The following SLC75A1 variants were observed in gnomAD, a reference collection of about 807,000 sequenced individuals.
SLC75A1 encodes major facilitator superfamily domain containing 10.
At chr4:2,930,724 C>G in the SLC75A1 span, 1 of 1,241,276 alleles carries the variant, frequency 8.1e-7, no homozygotes, top group Non-Finnish European at 1.1e-6. Context: ...AGGGGCCGGC[C>G]CCCACCCACA....
chr4:2,933,902 C>T, the SLC75A1 span: 4 of 1,568,670 alleles, frequency 2.5e-6, no homozygotes, highest in South Asian at 2.3e-5. Flanking sequence ...GGGGTGCAGC[C>T]TCCACCCCCT....
the SLC75A1 span, chr4:2,931,053 G>GC: frequency 6.2e-7 from 1 of 1,607,590 alleles, no homozygotes; most frequent in Admixed American, 1.7e-5. Flanking sequence ...ACCATCCCGC[G>GC]CCCTCACCTG....
chr4:2,930,808 G>C, the SLC75A1 span: 1 of 1,609,616 alleles, frequency 6.2e-7, no homozygotes, highest in Non-Finnish European at 8.5e-7. Flanking sequence ...CACTCTGCCT[G>C]GTGCCCACAG....
At chr4:2,930,928 G>A in the SLC75A1 span, 1 of 1,613,052 alleles carries the variant, frequency 6.2e-7, no homozygotes, top group Non-Finnish European at 8.5e-7. Flanking sequence ...TGGTGAAGCA[G>A]GCCTGGGCCC....
At chr4:2,933,653 T>C in the SLC75A1 span, 47 of 1,613,256 alleles carry the variant, frequency 2.9e-5, no homozygotes, top group South Asian at 5.5e-5. Context: ...CCAGGAGCCA[T>C]AGAGGGGGTC....
the SLC75A1 span, chr4:2,931,025 C>T: frequency 2.5e-6 from 4 of 1,610,656 alleles, no homozygotes; most frequent in East Asian, 2.2e-5. Flanking sequence ...AGGTGCTTGG[C>T]CCCCAGCCTG....
chr4:2,933,816 G>A, the SLC75A1 span: 4 of 1,590,862 alleles, frequency 2.5e-6, no homozygotes, highest in Non-Finnish European at 2.6e-6. Context: ...TGAAGGCCAG[G>A]AGGTCCAGCA....
the SLC75A1 span, chr4:2,932,276 C>T: frequency 4.5e-6 from 7 of 1,559,492 alleles, no homozygotes; most frequent in Non-Finnish European, 6.1e-6. Flanking sequence ...GGGGCTGGCA[C>T]ACAGGGGCAC....
At chr4:2,931,669 A>G in the SLC75A1 span, 4 of 1,611,008 alleles carry the variant, frequency 2.5e-6, no homozygotes, top group African/African-American at 4.0e-5. Context: ...GTAGGCTGGG[A>G]GCGGGTGTGT....
the SLC75A1 span, chr4:2,934,749 C>A: frequency 7.1e-6 from 1 of 140,970 alleles, no homozygotes; most frequent in Non-Finnish European, 1.6e-5. Flanking sequence ...ACCCCGGGCG[C>A]CCCCGGTCCC....
At chr4:2,933,820 T>A in the SLC75A1 span, 1 of 1,589,316 alleles carries the variant, frequency 6.3e-7, no homozygotes, top group Non-Finnish European at 8.6e-7. Flanking sequence ...GGCCAGGAGG[T>A]CCAGCAGGAG....
At chr4:2,933,685 T>C in the SLC75A1 span, 1 of 1,612,614 alleles carries the variant, frequency 6.2e-7, no homozygotes, top group Non-Finnish European at 8.5e-7. Context: ...GGAATCACGA[T>C]AAGGGCTGGG....
the SLC75A1 span, chr4:2,932,122 G>A: frequency 3.9e-4 from 620 of 1,609,596 alleles, no homozygotes; most frequent in East Asian, 3.5e-3. Flanking sequence ...CAGATCAGCC[G>A]CATCACGGAA....
At chr4:2,932,021 C>T in the SLC75A1 span, 36 of 1,608,844 alleles carry the variant, frequency 2.2e-5, no homozygotes, top group Admixed American at 8.4e-5. Flanking sequence ...GCAGGCTCCA[C>T]GCTTGGGTTG....
chr4:2,931,081 C>T, the SLC75A1 span: 2 of 1,600,152 alleles, frequency 1.2e-6, no homozygotes, highest in South Asian at 2.2e-5. Context: ...CACCAGGGGC[C>T]CCGCGGCCCT....
chr4:2,933,890 G>A, the SLC75A1 span: 1 of 1,576,276 alleles, frequency 6.3e-7, no homozygotes. Context: ...ATGGGTGGGC[G>A]CGGGGTGCAG....
chr4:2,933,660 G>A, the SLC75A1 span: 4 of 1,613,712 alleles, frequency 2.5e-6, no homozygotes, highest in Non-Finnish European at 3.4e-6. Context: ...CCATAGAGGG[G>A]GTCCTAGGGG....
At chr4:2,932,294 C>T in the SLC75A1 span, 3,782 of 1,573,472 alleles carry the variant, frequency 2.4e-3, 5 homozygotes, top group Non-Finnish European at 3.1e-3. Context: ...CACTTTACAT[C>T]GCTATGGAAT....
At chr4:2,931,332 C>T in the SLC75A1 span, 81 of 1,543,656 alleles carry the variant, frequency 5.2e-5, no homozygotes, top group African/African-American at 8.0e-4. Context: ...ATCACCCAGC[C>T]CCTGCTGCCC....
Sources: allele counts gnomAD v4.1 joint callset, GRCh38; gene constraint gnomAD v4.1.1; transcripts MANE v1.5; gene names NCBI Gene and HGNC (gene_info 2026-07-23, HGNC 2026-07-21).